Variants in ATAD2B observed in about 807,000 individuals in gnomAD.
ATAD2B encodes ATPase family AAA domain containing 2B.
A neutral mutation model predicts 167.6 loss-of-function variants in ATAD2B; 40 were observed. The observed-to-expected ratio is 0.24, with a 90% CI of 0.19 to 0.31. The LOEUF (loss-of-function observed/expected upper bound fraction) is 0.31, where lower values mean the gene tolerates loss of function less well. Among genes scored for constraint, ATAD2B ranks in the 10% least tolerant of loss-of-function variants. The probability of loss-of-function intolerance (pLI) is 1.00; values close to 1 mark genes in which losing one functional copy is unlikely to be tolerated. For missense variants in ATAD2B, 1,242 were observed against 1,757.2 expected, an observed-to-expected ratio of 0.71 and a Z score of 5.24; for synonymous variants, 579 against 596.5, an observed-to-expected ratio of 0.97 and a Z score of 0.43.
chr2:23,887,054 G>A (rs1386060812), intron 4 of ATAD2B, among the ~76,000 whole-genome samples: 1 of 152,148 alleles, frequency 6.6e-6, no homozygotes, highest in Admixed American at 6.6e-5. Context: ...AAGGCAGGCA[G>A]ATCACAAGGT....
chr2:23,823,480 G>T lies in ATAD2B; in HGVS notation c.1909C>A (p.His637Asn). Residue 637 changes from histidine to asparagine, a missense_variant, in exon 16 of 28, where the codon CAT becomes AAT. By Grantham distance (68) the His-to-Asn change is moderately conservative. Around this residue, in one of 9 missense-constraint regions of ATAD2B, gnomAD observed 151 missense variants for 284.1 expected, o/e 0.53. Coordinates refer to ENST00000238789, the MANE Select transcript of ATAD2B (RefSeq NM_017552.4). The part of the protein sequence containing the change: ...RRYPQIYASS[H>N]KLQLDVSSIV... ...GAGGAAACATCCAGCTGCAGTTTAT[G>T]ACTGCTAGCATAGATCTGGGGATAA... 1 of 1,613,910 alleles carries T rather than the reference G, an allele frequency of 6.2e-7. No individual in the cohort carries two copies. Among genetic ancestry groups the T allele is most frequent in the Non-Finnish European group, 8.5e-7 (1 of 1,179,866 alleles).
intron 14 of ATAD2B, 137 bp from the exon 15 acceptor site, chr2:23,829,076 T>A (rs950392708): frequency 1.7e-6 from 1 of 601,276 alleles, no homozygotes; most frequent in South Asian, 2.1e-5. Flanking sequence ...TTAAAAAAAA[T>A]TTAAACACCT....
At chr2:23,769,246 C>A (rs543282335) in intron 22 of ATAD2B, among the ~76,000 whole-genome samples, 70 of 152,076 alleles carry the variant, frequency 4.6e-4, no homozygotes, top group Non-Finnish European at 9.4e-4. Context: ...CAAGACCAGC[C>A]TGACCAACAT....
At chr2:23,832,039 C>G (rs760447489) in intron 14 of ATAD2B, among the ~76,000 whole-genome samples, 19 of 152,202 alleles carry the variant, frequency 1.2e-4, no homozygotes, top group Admixed American at 2.6e-4. Context: ...TGAAACTGTT[C>G]TCATCAGATT....
chr2:23,704,338 C>T, the ATAD2B span, among the ~76,000 whole-genome samples: 230 of 152,314 alleles, frequency 1.5e-3, 2 homozygotes, highest in African/African-American at 4.9e-3. Context: ...ACACACAAAC[C>T]CACCCCTGCA....
chr2:23,831,298 G>A (rs1470788112), intron 14 of ATAD2B, among the ~76,000 whole-genome samples: 1 of 152,044 alleles, frequency 6.6e-6, no homozygotes, highest in Non-Finnish European at 1.5e-5. Context: ...AAATTAAAAA[G>A]CATTATTGCA....
intron 17 of ATAD2B, chr2:23,811,330 A>G (rs969382173): frequency 1.3e-5 from 2 of 152,232 alleles, no homozygotes; most frequent in South Asian, 2.1e-4. Context: ...GCTTGATAAT[A>G]AAACTAGCTA....
At chr2:23,911,222 G>GAA (rs772518911) in intron 1 of ATAD2B, among the ~76,000 whole-genome samples, 42 of 136,862 alleles carry the variant, frequency 3.1e-4, no homozygotes, top group African/African-American at 1.1e-3. Context: ...ACTCCGTCTG[G>GAA]AAAAAAAAAA....
intron 1 of ATAD2B, among the ~76,000 whole-genome samples, chr2:23,915,989 G>A (rs187316827): frequency 1.1e-4 from 16 of 152,256 alleles, no homozygotes; most frequent in Admixed American, 1.0e-3. Flanking sequence ...TTATTTGGAG[G>A]TTATGATCAT....
chr2:23,819,577 T>C (rs1687144534), intron 17 of ATAD2B, among the ~76,000 whole-genome samples, 170 bp downstream of exon 17: 1 of 151,654 alleles, frequency 6.6e-6, no homozygotes, highest in South Asian at 2.1e-4. Context: ...ACAAACTAAC[T>C]ATTACCACAT....
intron 1 of ATAD2B, among the ~76,000 whole-genome samples, chr2:23,909,668 A>C (rs1399543174): frequency 6.6e-6 from 1 of 152,080 alleles, no homozygotes; most frequent in Non-Finnish European, 1.5e-5. Context: ...AACTGGAGAA[A>C]TTAGGGGAGC....
intron 8 of ATAD2B, among the ~76,000 whole-genome samples, chr2:23,873,781 A>C (rs1696365211): frequency 6.6e-6 from 1 of 152,246 alleles, no homozygotes; most frequent in African/African-American, 2.4e-5. Flanking sequence ...TAAAGTAATA[A>C]TGCCAACAAT....
intron 19 of ATAD2B, 142 bp downstream of exon 19, chr2:23,797,996 T>C: frequency 2.0e-6 from 1 of 505,536 alleles, no homozygotes; most frequent in Non-Finnish European, 3.4e-6. Flanking sequence ...CTTACCTACA[T>C]CATACAGCTA....
chr2:23,896,759 A>C (rs570890704), intron 1 of ATAD2B, among the ~76,000 whole-genome samples: 6 of 152,184 alleles, frequency 3.9e-5, no homozygotes, highest in African/African-American at 1.4e-4. Flanking sequence ...ACAGAAACAC[A>C]TATTGCATTT....
At chr2:23,781,252 A>G (rs1679992912) in intron 22 of ATAD2B, among the ~76,000 whole-genome samples, 1 of 150,626 alleles carries the variant, frequency 6.6e-6, no homozygotes, top group Non-Finnish European at 1.5e-5. Context: ...TGTGCTCATG[A>G]TGGGTCAAGA....
the ATAD2B span, among the ~76,000 whole-genome samples, chr2:23,719,637 G>T: frequency 7.6e-4 from 116 of 152,204 alleles, 1 homozygote; most frequent in African/African-American, 2.8e-3. Context: ...CCCCCATTCT[G>T]CCTGGCACCA....
At chr2:23,701,793 CTTTTTTTTTTT>C in the ATAD2B span, among the ~76,000 whole-genome samples, 2 of 22,544 alleles carry the variant, frequency 8.9e-5, no homozygotes, top group African/African-American at 2.4e-4. Context: ...CTTTTTTTTG[CTTTTTTTTTTT>C]TTTTTTTTTT....
chr2:23,912,144 T>C (rs144815526), intron 1 of ATAD2B, among the ~76,000 whole-genome samples: 1,661 of 152,206 alleles, frequency 0.011, 17 homozygotes, highest in Middle Eastern at 0.037. Context: ...ACTGAAATCA[T>C]ATGCAGTTAT....
intron 24 of ATAD2B, among the ~76,000 whole-genome samples, chr2:23,760,753 C>T (rs12612993): frequency 5.3e-5 from 6 of 112,866 alleles, no homozygotes; most frequent in Non-Finnish European, 9.7e-5. Flanking sequence ...CACACACATA[C>T]ACACACACAC....
Sources: gnomAD v4.1 joint callset for allele counts (sites outside exome capture counted in the v4.1 genomes callset) on GRCh38, gnomAD v4.1.1 for gene constraint, gnomAD v4.1.1 regional missense constraint, MANE v1.5 for transcripts, NCBI Gene and HGNC (gene_info 2026-07-23, HGNC 2026-07-21) for gene names.